The following APPL1 variants were observed in gnomAD, a reference collection of about 807,000 sequenced individuals.
The protein encoded by APPL1 is adaptor protein, phosphotyrosine interacting with PH domain and leucine zipper 1.
In APPL1, 42 loss-of-function variants were observed where a neutral mutation model predicts 106.8. That is an observed-to-expected ratio of 0.39 (90% CI 0.31 to 0.51). APPL1 has a LOEUF of 0.51. Among genes scored for constraint, APPL1 ranks in the 20% least tolerant of loss-of-function variants. The pLI is 0.75. For synonymous variants in APPL1, 263 were observed against 281.8 expected (o/e 0.93, Z 0.67); for missense variants, 769 against 858.2 (o/e 0.90, Z 1.30).
At chr3:57,231,075 C>T (rs1318005483) in intron 1 of APPL1, among the ~76,000 whole-genome samples, 1 of 151,168 alleles carries the variant, frequency 6.6e-6, no homozygotes, top group Non-Finnish European at 1.5e-5. Context: ...CGTGGTGGCT[C>T]ATGCCTGTAA....
rs28578906 is a variant in APPL1 at position 57,238,122 on chromosome 3, C to T, written c.285+6C>T. The T allele has an allele frequency of 8.9e-3, 14,257 of 1,598,026 alleles. 1,061 individuals carry two copies. The African/African-American group carries it at 0.16, about 18-fold the overall frequency. ...TTTCAAAAGTTATAGATGAGGTAAA[C>T]GTTTATTTTATTTTGCTTGATTAAA... is the stretch of plus-strand genomic sequence containing the variant. On this transcript the variant is annotated splice_donor_region_variant and intron_variant, in intron 4 of 21. Transcript: ENST00000288266.
At position 57,271,208 on chromosome 3, in the gene APPL1, A is replaced by ATAAC. The variant is rs1217633003; in HGVS notation, c.*1523_*1526dup. 1 of 147,706 alleles carries ATAAC rather than the reference A, an allele frequency of 6.8e-6. No individual in the cohort carries two copies. Among genetic ancestry groups the ATAAC allele is most frequent in the Non-Finnish European group, 1.5e-5 (1 of 66,314 alleles). The allele number at this position is 147,706 out of a possible 1,614,324, so 9.1% of individuals were successfully genotyped here. On this transcript the variant is annotated 3_prime_UTR_variant, in exon 22 of 22. Transcript: ENST00000288266. ...TGGCATCTGTTTTAGGTCTCAAAAT[A>ATAAC]TAACTCAGCTGTTTCACACTGTATA... is the stretch of plus-strand genomic sequence containing the variant.
At chr3:57,254,426 G>A (rs1337050336) in intron 13 of APPL1, among the ~76,000 whole-genome samples, 3 of 152,150 alleles carry the variant, frequency 2.0e-5, no homozygotes, top group Admixed American at 6.5e-5. Context: ...AGCATATGGC[G>A]ATGACTAAAG....
intron 1 of APPL1, chr3:57,230,809 A>G: frequency 2.2e-6 from 1 of 445,820 alleles, no homozygotes; most frequent in Non-Finnish European, 4.6e-6. Flanking sequence ...TCTCACTGTC[A>G]CGTAGGTTGG....
chr3:57,264,817 T>TG (rs1491244968), intron 19 of APPL1, among the ~76,000 whole-genome samples: 14 of 150,838 alleles, frequency 9.3e-5, no homozygotes, highest in Non-Finnish European at 2.1e-4. Flanking sequence ...TTTTTTTTTT[T>TG]GCCAGTACCA....
chr3:57,254,008 G>C (rs180733785), intron 13 of APPL1, among the ~76,000 whole-genome samples: 34 of 152,156 alleles, frequency 2.2e-4, no homozygotes, highest in African/African-American at 7.2e-4. Flanking sequence ...GATTACAGGC[G>C]TGTGCCATGA....
intron 1 of APPL1, among the ~76,000 whole-genome samples, chr3:57,233,907 C>A (rs2060702244): frequency 6.6e-6 from 1 of 152,002 alleles, no homozygotes; most frequent in Non-Finnish European, 1.5e-5. Flanking sequence ...CATAGTGAGA[C>A]CCTGTCACTA....
chr3:57,249,513 A>G lies in APPL1; in HGVS notation c.1017A>G (p.Arg339=). 6.2e-7 allele frequency: 1 copy of G among 1,601,584 alleles called. No individual in the cohort carries two copies. The highest frequency in any genetic ancestry group is 8.5e-7 in the Non-Finnish European group (1 of 1,175,764). The change falls in exon 11 of 22, where the codon CGA becomes CGG. Residue 339 remains arginine, a synonymous_variant. Transcript: ENST00000288266. ...SVMAVDCEDR[R]YCFQITSFDG... ...TGGCTGTGGACTGTGAAGACAGACG[A>G]TATTGTTTTCAGATCACCTCTTTCG... is the stretch of plus-strand genomic sequence containing the variant.
chr3:57,252,399 AT>A (rs2060809511), intron 12 of APPL1, 88 bp downstream of exon 12: 1 of 957,398 alleles, frequency 1.0e-6, no homozygotes, highest in Non-Finnish European at 1.5e-6. Context: ...CATTGTAGAA[AT>A]TTTGGAAAAT....
At chr3:57,267,243 A>C (rs971300755) in intron 19 of APPL1, among the ~76,000 whole-genome samples, 2 of 152,204 alleles carry the variant, frequency 1.3e-5, no homozygotes, top group Non-Finnish European at 2.9e-5. Context: ...AAAAACTCCC[A>C]AATTTTGCCT....
chr3:57,248,125 G>C, intron 9 of APPL1, 68 bp from the exon 10 acceptor site: 4 of 1,487,346 alleles, frequency 2.7e-6, no homozygotes. Flanking sequence ...CAAATATGCA[G>C]GTAAACATGA....
Position 57,260,030 on chromosome 3 carries a change from C to A in APPL1, c.1658+11C>A, listed in dbSNP as rs548102394. Reference sequence around the variant, plus strand: ...TTGTGACTGTTTAAAGTAAGTAAAACCCTCCCTTAAAAAACTGTAGAAAAA... The same window carrying A: ...TTGTGACTGTTTAAAGTAAGTAAAAACCTCCCTTAAAAAACTGTAGAAAAA... On this transcript the variant is annotated intron_variant, in intron 17 of 21. Transcript: ENST00000288266. 6.2e-7 allele frequency: 1 copy of A among 1,609,900 alleles called. No individual in the cohort carries two copies. Among genetic ancestry groups the A allele is most frequent in the Non-Finnish European group, 8.5e-7 (1 of 1,179,176 alleles).
At chr3:57,238,330 A>G in intron 4 of APPL1, 1 of 460,994 alleles carries the variant, frequency 2.2e-6, no homozygotes, top group Non-Finnish European at 3.8e-6. Flanking sequence ...CTTCTTCTAT[A>G]CGCAGTCCGT....
In APPL1 at chr3:57,267,723, A is replaced by T. The variant is rs765363723; in HGVS notation, c.1843-19A>T. 3 of 1,612,958 alleles carry T rather than the reference A, an allele frequency of 1.9e-6. No individual in the cohort carries two copies. Among genetic ancestry groups the T allele is most frequent in the South Asian group, 2.2e-5 (2 of 91,022 alleles). Reference sequence around the variant, plus strand: ...GTTGTGAGAACTGCCTGAATTTTTCATACTTTTTCTCTTTTTAGATATGTG... The same window carrying T: ...GTTGTGAGAACTGCCTGAATTTTTCTTACTTTTTCTCTTTTTAGATATGTG... On this transcript the variant is annotated intron_variant, in intron 19 of 21. Coordinates refer to ENST00000288266, the MANE Select transcript of APPL1 (RefSeq NM_012096.3).
At chr3:57,238,339 G>A (rs1027999477) in intron 4 of APPL1, 12 of 436,620 alleles carry the variant, frequency 2.7e-5, no homozygotes, top group Non-Finnish European at 2.8e-5. Context: ...TACGCAGTCC[G>A]TGCTAACATT....
At chr3:57,249,902 T>G (rs1251348939) in intron 11 of APPL1, among the ~76,000 whole-genome samples, 1 of 152,178 alleles carries the variant, frequency 6.6e-6, no homozygotes, top group Non-Finnish European at 1.5e-5. Context: ...ACTTACTGTG[T>G]GGTCTCAGAC....
intron 13 of APPL1, 97 bp downstream of exon 13, chr3:57,253,835 T>C: frequency 9.1e-7 from 1 of 1,093,774 alleles, no homozygotes; most frequent in Non-Finnish European, 1.2e-6. Flanking sequence ...GGTTCTGTAA[T>C]TTTTTAATTT....
At chr3:57,268,318 C>T in intron 20 of APPL1, 80 bp from the exon 21 acceptor site, 1 of 1,331,560 alleles carries the variant, frequency 7.5e-7, no homozygotes, top group South Asian at 1.6e-5. Flanking sequence ...TGAAAGGTTA[C>T]CATGTGATAT....
chr3:57,262,923 T>A (rs1173285971), intron 19 of APPL1, among the ~76,000 whole-genome samples: 4 of 150,628 alleles, frequency 2.7e-5, no homozygotes, highest in Non-Finnish European at 1.5e-5. Context: ...CGATCTTGGC[T>A]CATTGCAACC....
Sources: allele counts gnomAD v4.1 joint callset (sites outside exome capture counted in the v4.1 genomes callset), GRCh38; gene constraint gnomAD v4.1.1; transcripts MANE v1.5; gene names NCBI Gene and HGNC (gene_info 2026-07-23, HGNC 2026-07-21).